Variants in DENND5B observed in about 807,000 individuals in gnomAD.
DENND5B encodes DENN domain-containing protein 5B.
DENND5B carries 34 observed loss-of-function variants against 140.6 expected under a neutral mutation model. That is an observed-to-expected ratio of 0.24 (90% CI 0.18 to 0.32). The LOEUF (loss-of-function observed/expected upper bound fraction) is 0.32, where lower values mean the gene tolerates loss of function less well. DENND5B is among the 10% of genes least tolerant of loss of function. The pLI, the probability that DENND5B is intolerant of heterozygous loss-of-function variation, is 1.00. For missense variants in DENND5B, 1,142 were observed against 1,560.2 expected (o/e 0.73, Z 4.52); for synonymous variants, 551 against 562.1 (o/e 0.98, Z 0.28).
At chr12:31,499,765 T>A in intron 1 of DENND5B, 1 of 1,020,476 alleles carries the variant, frequency 9.8e-7, no homozygotes, top group Non-Finnish European at 1.3e-6. Flanking sequence ...TGAGAATAAT[T>A]AACCAAAAGC....
intron 3 of DENND5B, among the ~76,000 whole-genome samples, chr12:31,470,502 A>C (rs1945508035): frequency 6.6e-6 from 1 of 152,086 alleles, no homozygotes; most frequent in Non-Finnish European, 1.5e-5. Context: ...TGCCTGTCTC[A>C]GCTTCCCAGA....
At chr12:31,430,018 G>A (rs1363790838) in intron 8 of DENND5B, among the ~76,000 whole-genome samples, 2 of 151,140 alleles carry the variant, frequency 1.3e-5, no homozygotes, top group Non-Finnish European at 3.0e-5. Context: ...ATACTTTTTT[G>A]TTTGTTTGGT....
Position 31,387,543 on chromosome 12 carries a change from A to G in DENND5B, c.*60T>C. The G allele has an allele frequency of 1.9e-6, 3 of 1,561,172 alleles. No individual in the cohort carries two copies. The highest frequency in any genetic ancestry group is 1.7e-4 in the Middle Eastern group (1 of 5,820). ...GACTCACTACTGTCAGACAAGTCCA[A>G]ATCGGTCCCCTAGTTGGGGAAGGAG... On this transcript the variant is annotated 3_prime_UTR_variant, in exon 21 of 21. Transcript: ENST00000389082.
chr12:31,451,894 A>ATAAAGCCAC (rs1944543594), intron 5 of DENND5B, 46 bp downstream of exon 5: 1 of 1,592,568 alleles, frequency 6.3e-7, no homozygotes, highest in African/African-American at 1.4e-5. Flanking sequence ...AAAATCAATA[A>ATAAAGCCAC]TAAAGCCACT....
chr12:31,521,613 T>G (rs1041182331), intron 1 of DENND5B, among the ~76,000 whole-genome samples: 4 of 152,030 alleles, frequency 2.6e-5, no homozygotes, highest in Non-Finnish European at 5.9e-5. Flanking sequence ...TGTGTGTGGG[T>G]TTTTTTAGTG....
Position 31,590,755 on chromosome 12 carries a change from C to T in DENND5B, c.78G>A (p.Val26=). Residue 26 remains valine, a synonymous_variant, in exon 1 of 21, where the codon GTG becomes GTA. Coordinates refer to ENST00000389082, the MANE Select transcript of DENND5B (RefSeq NM_144973.4). ...CGCTGTCCGCGTCGATCCCGCACAG[C>T]ACGAAGTAGTGCGCGAAGCGGCAGG... ...PAACRFAHYF[V]LCGIDADSGL... 7.0e-7 allele frequency: 1 copy of T among 1,431,102 alleles called. No individual in the cohort carries two copies. Among genetic ancestry groups the T allele is most frequent in the Non-Finnish European group, 9.1e-7 (1 of 1,093,302 alleles). 88.7% of individuals were successfully genotyped at this position (1,431,102 alleles called of 1,614,324 possible).
chr12:31,514,834 A>AAT (rs1555166724), intron 1 of DENND5B, among the ~76,000 whole-genome samples: 61 of 150,364 alleles, frequency 4.1e-4, no homozygotes, highest in South Asian at 1.3e-3. Context: ...AAAAAAAAAA[A>AAT]AATTAAGATT....
At chr12:31,461,779 G>A (rs1161271340) in intron 3 of DENND5B, among the ~76,000 whole-genome samples, 1 of 152,154 alleles carries the variant, frequency 6.6e-6, no homozygotes, top group Non-Finnish European at 1.5e-5. Flanking sequence ...ATAATGGATT[G>A]TGGGCTTGTA....
At chr12:31,417,449 T>C (rs1273193722) in intron 11 of DENND5B, among the ~76,000 whole-genome samples, 2 of 151,678 alleles carry the variant, frequency 1.3e-5, no homozygotes, top group East Asian at 3.9e-4. Flanking sequence ...ACTACAGTAA[T>C]TACAGCATGC....
intron 1 of DENND5B, among the ~76,000 whole-genome samples, chr12:31,527,755 G>A (rs753224275): frequency 2.6e-5 from 4 of 151,974 alleles, no homozygotes; most frequent in East Asian, 3.9e-4. Flanking sequence ...TCTAGCCTGC[G>A]TGACAGAGCA....
At chr12:31,590,464 CCT>C (rs921166223) in intron 1 of DENND5B, 18 of 380,776 alleles carry the variant, frequency 4.7e-5, no homozygotes, top group Non-Finnish European at 5.4e-5. Context: ...CACCCCCGCG[CCT>C]GTTATTAATA....
intron 17 of DENND5B, among the ~76,000 whole-genome samples, chr12:31,397,828 G>A (rs1053454581): frequency 6.6e-6 from 1 of 152,006 alleles, no homozygotes; most frequent in East Asian, 1.9e-4. Flanking sequence ...GAAAGCTGAG[G>A]TGGGAGGATC....
intron 3 of DENND5B, among the ~76,000 whole-genome samples, chr12:31,467,913 G>C (rs1163207527): frequency 6.6e-6 from 1 of 152,110 alleles, no homozygotes; most frequent in African/African-American, 2.4e-5. Flanking sequence ...AAAACAGAGA[G>C]AGAGAGAAAA....
chr12:31,410,283 T>C, intron 13 of DENND5B, among the ~76,000 whole-genome samples: 1 of 152,198 alleles, frequency 6.6e-6, no homozygotes. Flanking sequence ...ACAGATGAAA[T>C]GGGGCAAAGA....
intron 1 of DENND5B, among the ~76,000 whole-genome samples, chr12:31,567,249 T>C (rs1245438201): frequency 6.6e-6 from 1 of 151,288 alleles, no homozygotes; most frequent in African/African-American, 2.4e-5. Context: ...GCCCAGGAGA[T>C]GGAGGCTGCA....
intron 8 of DENND5B, among the ~76,000 whole-genome samples, chr12:31,430,497 C>CAAAAAAAAAA (rs71062432): frequency 7.1e-5 from 4 of 56,068 alleles, no homozygotes; most frequent in Non-Finnish European, 9.2e-5. Flanking sequence ...ACTAAAAATA[C>CAAAAAAAAAA]AAAAAAAAAA....
chr12:31,562,932 T>C (rs1949524410), intron 1 of DENND5B, among the ~76,000 whole-genome samples: 1 of 152,106 alleles, frequency 6.6e-6, no homozygotes, highest in Non-Finnish European at 1.5e-5. Flanking sequence ...TTTCCTTTTT[T>C]TTTTTTTTTA....
chr12:31,405,545 T>C (rs1942079842), intron 14 of DENND5B, among the ~76,000 whole-genome samples: 1 of 151,706 alleles, frequency 6.6e-6, no homozygotes, highest in African/African-American at 2.4e-5. Flanking sequence ...TATGTATGTA[T>C]GTATGTATGT....
intron 1 of DENND5B, among the ~76,000 whole-genome samples, chr12:31,530,415 ATTAT>A (rs1181287630): frequency 6.6e-6 from 1 of 152,180 alleles, no homozygotes; most frequent in African/African-American, 2.4e-5. Flanking sequence ...CAGTTTCAGG[ATTAT>A]TTGTGAAAAG....
Sources: allele counts gnomAD v4.1 joint callset (sites outside exome capture counted in the v4.1 genomes callset), GRCh38; gene constraint gnomAD v4.1.1; transcripts MANE v1.5; gene names NCBI Gene and HGNC (gene_info 2026-07-23, HGNC 2026-07-21).